TNIK: variants seen among roughly 807,000 people sequenced by gnomAD.
TNIK encodes the protein TRAF2 and NCK-interacting protein kinase.
TNIK carries 49 observed loss-of-function variants against 191.3 expected under a neutral mutation model. The observed-to-expected ratio is 0.26, with a 90% CI of 0.20 to 0.32. TNIK has a LOEUF of 0.32. Ranked by LOEUF, TNIK falls within the 10% of genes least tolerant of loss-of-function variation. TNIK has a pLI of 1.00. For synonymous variants in TNIK, 594 were observed against 600.9 expected (o/e 0.99, Z 0.17); for missense variants, 1,155 against 1,702.3 (o/e 0.68, Z 5.66).
In TNIK at chr3:171,316,418, A is replaced by G. The variant is rs150198619; in HGVS notation, c.123+53202T>C. On this transcript the variant is annotated intron_variant, in intron 2 of 32. Transcript: ENST00000436636. ...TAGAAGGTTTCATGAAAGAGGAGGC[A>G]TTTGAGCTCAGCCTTGGAGGATCGG... is the stretch of plus-strand genomic sequence containing the variant. 2.7e-3 allele frequency among the ~76,000 whole-genome samples: 404 copies of G among 152,288 alleles called. 3 individuals are homozygous for G. The highest frequency in any genetic ancestry group is 9.4e-3 in the African/African-American group (391 of 41,572).
At chr3:171,455,894 C>A (rs905773012) in intron 1 of TNIK, among the ~76,000 whole-genome samples, 34 of 152,288 alleles carry the variant, frequency 2.2e-4, no homozygotes, top group African/African-American at 7.0e-4. Context: ...AAGATCTAGC[C>A]TCTGCCCTCA....
intron 1 of TNIK, among the ~76,000 whole-genome samples, chr3:171,414,219 C>G (rs953328959): frequency 1.4e-4 from 22 of 152,206 alleles, no homozygotes; most frequent in African/African-American, 5.3e-4. Context: ...GGGTCTCACA[C>G]AGAGCATGCT....
chr3:171,141,902 T>C (rs1181485365), intron 12 of TNIK, among the ~76,000 whole-genome samples: 3 of 152,210 alleles, frequency 2.0e-5, no homozygotes, highest in Non-Finnish European at 4.4e-5. Context: ...GTGGAATAAA[T>C]TGTGACTGTC....
At chr3:171,269,076 A>C (rs1244015876) in intron 2 of TNIK, among the ~76,000 whole-genome samples, 1 of 152,198 alleles carries the variant, frequency 6.6e-6, no homozygotes, top group African/African-American at 2.4e-5. Flanking sequence ...AATATTCAGG[A>C]TTATTCAAAG....
intron 1 of TNIK, among the ~76,000 whole-genome samples, chr3:171,420,410 C>A (rs1004205084): frequency 1.2e-4 from 18 of 152,260 alleles, no homozygotes; most frequent in Non-Finnish European, 2.2e-4. Flanking sequence ...GCCCACCTCT[C>A]CAGCACTTCT....
intron 1 of TNIK, among the ~76,000 whole-genome samples, chr3:171,422,899 C>A (rs1724018162): frequency 1.3e-5 from 2 of 152,352 alleles, no homozygotes; most frequent in Admixed American, 6.5e-5. Flanking sequence ...CTGAACTATG[C>A]AGCCTGTTGC....
intron 2 of TNIK, among the ~76,000 whole-genome samples, chr3:171,334,069 T>C (rs1472060725): frequency 6.6e-6 from 1 of 152,096 alleles, no homozygotes; most frequent in Non-Finnish European, 1.5e-5. Flanking sequence ...AGTATCTGAC[T>C]GAGGGGTGGG....
intron 2 of TNIK, among the ~76,000 whole-genome samples, chr3:171,318,299 G>A (rs1034784870): frequency 5.3e-5 from 8 of 152,052 alleles, no homozygotes; most frequent in Admixed American, 1.3e-4. Context: ...AAACACAGGC[G>A]TAACATAATT....
rs1363433051 is a variant in TNIK at position 171,218,332 on chromosome 3, G to C, written c.181-7091C>G. On this transcript the variant is annotated intron_variant, in intron 3 of 32. Coordinates refer to ENST00000436636, the MANE Select transcript of TNIK (RefSeq NM_015028.4). The stretch of plus-strand genomic sequence containing the variant: ...TGACATATGTCTTTCTCATACCCAA[G>C]CCTGCACTGAGGCATGACTCCCAAG... Among the ~76,000 whole-genome samples the C allele has an allele frequency of 2.0e-5, 3 of 152,038 alleles. No individual in the cohort carries two copies. In the East Asian group the frequency reaches 5.8e-4, roughly 29 times the overall value.
chr3:171,379,188 T>G (rs1274939437), intron 1 of TNIK, among the ~76,000 whole-genome samples: 1 of 152,226 alleles, frequency 6.6e-6, no homozygotes, highest in African/African-American at 2.4e-5. Context: ...AATATATTTT[T>G]CTCGGTTCAC....
At chr3:171,296,019 T>C (rs1284929513) in intron 2 of TNIK, among the ~76,000 whole-genome samples, 1 of 152,252 alleles carries the variant, frequency 6.6e-6, no homozygotes, top group South Asian at 2.1e-4. Flanking sequence ...ATTTAAGTTC[T>C]GTTCTATGTA....
chr3:171,122,518 A>G (rs1446705175), intron 18 of TNIK, among the ~76,000 whole-genome samples: 1 of 152,246 alleles, frequency 6.6e-6, no homozygotes, highest in African/African-American at 2.4e-5. Flanking sequence ...ATGGGCTAGC[A>G]TCTTTGCCCT....
At chr3:171,212,247 C>T (rs991099377) in intron 3 of TNIK, among the ~76,000 whole-genome samples, 4 of 152,078 alleles carry the variant, frequency 2.6e-5, no homozygotes, top group African/African-American at 4.8e-5. Flanking sequence ...TGCAGTCTCT[C>T]GTGTGCTGTC....
At chr3:171,294,582 G>T (rs1193322881) in intron 2 of TNIK, among the ~76,000 whole-genome samples, 3 of 151,792 alleles carry the variant, frequency 2.0e-5, no homozygotes, top group Non-Finnish European at 4.4e-5. Context: ...TTAGCCAGGC[G>T]TGGTGGTGAG....
At chr3:171,428,487 T>A (rs2108652332) in intron 1 of TNIK, among the ~76,000 whole-genome samples, 1 of 152,086 alleles carries the variant, frequency 6.6e-6, no homozygotes, top group Admixed American at 6.5e-5. Flanking sequence ...ACCAAAGGTC[T>A]TCCTCACTTT....
At chr3:171,077,915 C>G (rs960221004) in intron 28 of TNIK, among the ~76,000 whole-genome samples, 7 of 150,942 alleles carry the variant, frequency 4.6e-5, no homozygotes, top group Non-Finnish European at 7.4e-5. Flanking sequence ...CTCCTTAACC[C>G]TTAACACAGG....
chr3:171,268,303 A>G (rs996085853), intron 2 of TNIK, among the ~76,000 whole-genome samples: 47 of 152,056 alleles, frequency 3.1e-4, no homozygotes, highest in African/African-American at 1.1e-3. Context: ...CACCTTTGCT[A>G]TGTGATCATC....
intron 1 of TNIK, among the ~76,000 whole-genome samples, chr3:171,412,565 T>C (rs935411385): frequency 6.6e-6 from 1 of 152,106 alleles, no homozygotes; most frequent in African/African-American, 2.4e-5. Flanking sequence ...ATTTTACAGA[T>C]GAGGAAAATG....
chr3:171,177,300 A>G, intron 8 of TNIK, 26 bp downstream of exon 8: 1 of 1,598,718 alleles, frequency 6.3e-7, no homozygotes, highest in Non-Finnish European at 8.5e-7. Context: ...CCAGCAACAG[A>G]TTTCACCCCA....
Sources: gnomAD v4.1 joint callset for allele counts (sites outside exome capture counted in the v4.1 genomes callset) on GRCh38, gnomAD v4.1.1 for gene constraint, MANE v1.5 for transcripts, NCBI Gene and HGNC (gene_info 2026-07-23, HGNC 2026-07-21) for gene names.